Variants in WWOX observed in about 807,000 individuals in gnomAD.
The protein encoded by WWOX is WW domain containing oxidoreductase.
Under a neutral mutation model 46.2 loss-of-function variants are expected in WWOX, and 69 were observed. The ratio of observed to expected loss-of-function variants is 1.49; its 90% CI spans 1.23 to 1.82. The LOEUF (loss-of-function observed/expected upper bound fraction) is 1.82, where lower values mean the gene tolerates loss of function less well. Ranked by LOEUF, WWOX falls within the 40% of genes most tolerant of loss-of-function variation. The pLI is 0.00. For synonymous variants in WWOX, 359 were observed against 202.6 expected (o/e 1.77, Z -6.56); for missense variants, 919 against 542.6 (o/e 1.69, Z -6.89).
intron 8 of WWOX, among the ~76,000 whole-genome samples, chr16:78,555,112 ATC>A (rs1417976384): frequency 7.0e-6 from 1 of 143,666 alleles, no homozygotes; most frequent in African/African-American, 2.6e-5. Context: ...CTTTGTCTCT[ATC>A]TCTCTTTCTC....
intron 8 of WWOX, among the ~76,000 whole-genome samples, chr16:78,866,972 A>T (rs571406528): frequency 6.6e-6 from 1 of 152,326 alleles, no homozygotes; most frequent in African/African-American, 2.4e-5. Flanking sequence ...ATGATAGCCA[A>T]AGGGTTTCAA....
Position 78,734,508 on chromosome 16 carries a change from C to G in WWOX, c.1056+301756C>G, listed in dbSNP as rs987304107. On this transcript the variant is annotated intron_variant, in intron 8 of 8. Coordinates refer to ENST00000566780, the MANE Select transcript of WWOX (RefSeq NM_016373.4). Reference sequence around the variant, plus strand: ...ACATTTCTAGTGAAGGGAGACATTTCTTTACCTACCTGGGACCTCAGACCT... The same window carrying G: ...ACATTTCTAGTGAAGGGAGACATTTGTTTACCTACCTGGGACCTCAGACCT... Among the ~76,000 whole-genome samples the G allele has an allele frequency of 2.6e-4, 40 of 152,268 alleles. 1 individual carries two copies. The highest frequency in any genetic ancestry group is 8.9e-4 in the African/African-American group (37 of 41,572).
chr16:79,188,128 C>G (rs1210081701), intron 8 of WWOX, among the ~76,000 whole-genome samples: 1 of 152,124 alleles, frequency 6.6e-6, no homozygotes, highest in Non-Finnish European at 1.5e-5. Flanking sequence ...CATCTCCTTC[C>G]TGGAATGTGC....
chr16:78,983,252 A>T (rs1003531726), intron 8 of WWOX, among the ~76,000 whole-genome samples: 3 of 152,142 alleles, frequency 2.0e-5, no homozygotes, highest in Non-Finnish European at 2.9e-5. Flanking sequence ...GAATGGGAAA[A>T]CCTAAGCTGA....
intron 8 of WWOX, among the ~76,000 whole-genome samples, chr16:78,808,258 G>A (rs1337922187): frequency 6.6e-6 from 1 of 152,190 alleles, no homozygotes. Flanking sequence ...CTCAAGAGCA[G>A]TCATTCACCC....
intron 4 of WWOX, among the ~76,000 whole-genome samples, chr16:78,148,646 C>T (rs904171600): frequency 1.3e-5 from 2 of 151,540 alleles, no homozygotes; most frequent in Admixed American, 6.6e-5. Flanking sequence ...GCCTGTAATC[C>T]CAGCACTTTG....
chr16:78,481,764 T>TGTGTGTGTTTGCGC (rs149940474), intron 8 of WWOX, among the ~76,000 whole-genome samples: 9 of 148,036 alleles, frequency 6.1e-5, no homozygotes, highest in African/African-American at 2.3e-4. Context: ...TGTGTGTGTG[T>TGTGTGTGTTTGCGC]GCGCGCGCCT....
intron 8 of WWOX, among the ~76,000 whole-genome samples, chr16:79,072,946 G>A (rs1340844274): frequency 6.6e-6 from 1 of 152,016 alleles, no homozygotes; most frequent in Non-Finnish European, 1.5e-5. Flanking sequence ...TCCCCATTTG[G>A]ACTCCGGGTC....
At chr16:78,619,206 T>G (rs2046114769) in intron 8 of WWOX, among the ~76,000 whole-genome samples, 2 of 54,950 alleles carry the variant, frequency 3.6e-5, no homozygotes, top group Non-Finnish European at 6.3e-5. Context: ...TATATATATA[T>G]ATATATATGT....
intron 1 of WWOX, 80 bp downstream of exon 1, chr16:78,099,965 G>T (rs888092189): frequency 5.9e-6 from 9 of 1,520,078 alleles, no homozygotes; most frequent in African/African-American, 4.3e-5. Context: ...GGGAGGACGC[G>T]CACTCCAGCG....
At chr16:78,814,092 G>A (rs546530161) in intron 8 of WWOX, among the ~76,000 whole-genome samples, 14 of 152,328 alleles carry the variant, frequency 9.2e-5, no homozygotes, top group Non-Finnish European at 1.8e-4. Flanking sequence ...TGTGGCTCAA[G>A]TTTTCAGTGC....
chr16:78,969,419 A>G (rs1415988850), intron 8 of WWOX, among the ~76,000 whole-genome samples: 1 of 151,934 alleles, frequency 6.6e-6, no homozygotes, highest in Non-Finnish European at 1.5e-5. Flanking sequence ...ACAGGGGCAC[A>G]TGCCACCATG....
chr16:78,489,213 A>G (rs971674115), intron 8 of WWOX, among the ~76,000 whole-genome samples: 11 of 152,332 alleles, frequency 7.2e-5, no homozygotes, highest in African/African-American at 1.9e-4. Flanking sequence ...AACCAGGATG[A>G]TAATGAAGAG....
chr16:79,155,797 T>C (rs2050369956), intron 8 of WWOX, among the ~76,000 whole-genome samples: 1 of 152,150 alleles, frequency 6.6e-6, no homozygotes, highest in Non-Finnish European at 1.5e-5. Flanking sequence ...GAGTTTTTTT[T>C]TCCCTTGTCT....
intron 5 of WWOX, among the ~76,000 whole-genome samples, chr16:78,315,103 T>A (rs1184873537): frequency 2.0e-5 from 3 of 152,338 alleles, no homozygotes; most frequent in Admixed American, 2.0e-4. Context: ...TTTTTGGCTT[T>A]AATTTTGTCA....
chr16:78,134,960 G>T (rs2033736732), intron 4 of WWOX, among the ~76,000 whole-genome samples: 1 of 152,320 alleles, frequency 6.6e-6, no homozygotes, highest in African/African-American at 2.4e-5. Context: ...GACAAATGGT[G>T]CTGATGGCAC....
chr16:78,700,019 G>T (rs2048178772), intron 8 of WWOX, among the ~76,000 whole-genome samples: 1 of 152,034 alleles, frequency 6.6e-6, no homozygotes, highest in Admixed American at 6.6e-5. Context: ...CCTGCGGTGG[G>T]TGGATACTTA....
rs144566507 is a variant in WWOX at position 78,785,210 on chromosome 16, A to T, written c.1056+352458A>T. Among the ~76,000 whole-genome samples, 298 of 152,350 alleles carry T rather than the reference A, an allele frequency of 2.0e-3. 1 individual carries two copies. Among genetic ancestry groups the T allele is most frequent in the African/African-American group, 6.3e-3 (264 of 41,582 alleles). Reference sequence around the variant, plus strand: ...GTAAGATGAAGTGTCTTTTGCTAGCAGGCGCTCTCAGCAAAGGAGATAAGG... The same window carrying T: ...GTAAGATGAAGTGTCTTTTGCTAGCTGGCGCTCTCAGCAAAGGAGATAAGG... On this transcript the variant is annotated intron_variant, in intron 8 of 8. Transcript: ENST00000566780.
intron 8 of WWOX, among the ~76,000 whole-genome samples, chr16:78,455,296 G>A (rs2083787234): frequency 1.4e-5 from 2 of 143,006 alleles, no homozygotes; most frequent in Admixed American, 1.4e-4. Context: ...AAAGTTATGG[G>A]GGTGCTAAAA....
Sources: gnomAD v4.1 joint callset for allele counts (sites outside exome capture counted in the v4.1 genomes callset) on GRCh38, gnomAD v4.1.1 for gene constraint, MANE v1.5 for transcripts, NCBI Gene and HGNC (gene_info 2026-07-23, HGNC 2026-07-21) for gene names.